The following DCPH1 variants were observed in gnomAD, a reference collection of about 807,000 sequenced individuals.
DCPH1 encodes damage control phosphatase 1.
the DCPH1 span, among the ~76,000 whole-genome samples, chr6:151,461,407 A>C: frequency 6.6e-6 from 1 of 152,242 alleles, no homozygotes; most frequent in Admixed American, 6.5e-5. Context: ...ACAGTGGCTT[A>C]CGCCTGTGAT....
At chr6:151,468,201 G>C in the DCPH1 span, 10 of 573,524 alleles carry the variant, frequency 1.7e-5, no homozygotes, top group Non-Finnish European at 2.7e-5. Context: ...CATTGTTAGA[G>C]AAAGTATAGA....
chr6:151,466,383 A>G, the DCPH1 span, among the ~76,000 whole-genome samples: 1 of 151,900 alleles, frequency 6.6e-6, no homozygotes, highest in African/African-American at 2.4e-5. Context: ...TCTTTGTCCC[A>G]TAGTATAATA....
chr6:151,454,537 C>T, the DCPH1 span: 1 of 1,286,714 alleles, frequency 7.8e-7, no homozygotes, highest in Non-Finnish European at 1.1e-6. Context: ...TTGCATGTGA[C>T]TCTTTTCTAG....
chr6:151,452,864 C>CTT, the DCPH1 span: 1 of 368,652 alleles, frequency 2.7e-6, no homozygotes, highest in Non-Finnish European at 4.8e-6. Context: ...TATTTATTCA[C>CTT]TTTAATAGAC....
At chr6:151,468,751 A>G in the DCPH1 span, 1 of 1,614,120 alleles carries the variant, frequency 6.2e-7, no homozygotes, top group Non-Finnish European at 8.5e-7. Flanking sequence ...GGAAGAGTAT[A>G]TTAAAATGGG....
chr6:151,454,438 A>G, the DCPH1 span: 1 of 651,812 alleles, frequency 1.5e-6, no homozygotes, highest in Non-Finnish European at 2.8e-6. Flanking sequence ...CTATCTTTTA[A>G]TAGTTGTATG....
chr6:151,457,120 C>T, the DCPH1 span, among the ~76,000 whole-genome samples: 1 of 152,168 alleles, frequency 6.6e-6, no homozygotes, highest in Non-Finnish European at 1.5e-5. Context: ...CCACCTATAG[C>T]AGGGCCAGGC....
the DCPH1 span, chr6:151,468,680 G>T: frequency 1.3e-5 from 21 of 1,613,632 alleles, no homozygotes; most frequent in African/African-American, 2.3e-4. Context: ...GATTTTAATT[G>T]GTTAATTGAA....
the DCPH1 span, chr6:151,464,668 A>G: frequency 7.8e-6 from 10 of 1,279,512 alleles, no homozygotes; most frequent in Non-Finnish European, 5.5e-6. Context: ...AACAGAAAAT[A>G]AACTGCTATA....
At chr6:151,455,969 G>C in the DCPH1 span, among the ~76,000 whole-genome samples, 2 of 152,254 alleles carry the variant, frequency 1.3e-5, no homozygotes, top group Non-Finnish European at 2.9e-5. Context: ...TCAAGCATCT[G>C]TTTAACAAAG....
chr6:151,454,761 G>A, the DCPH1 span: 1 of 583,960 alleles, frequency 1.7e-6, no homozygotes, highest in Non-Finnish European at 3.1e-6. Context: ...CAATAGATGG[G>A]CCAAGTATTT....
At chr6:151,458,791 A>G in the DCPH1 span, among the ~76,000 whole-genome samples, 1 of 152,298 alleles carries the variant, frequency 6.6e-6, no homozygotes, top group South Asian at 2.1e-4. Context: ...AATTTAACAG[A>G]TTCTTGGCAA....
chr6:151,456,852 A>G, the DCPH1 span, among the ~76,000 whole-genome samples: 2 of 152,170 alleles, frequency 1.3e-5, no homozygotes, highest in Non-Finnish European at 2.9e-5. Context: ...TTTCGGCCAG[A>G]GTGATCTAAA....
At chr6:151,464,905 G>T in the DCPH1 span, among the ~76,000 whole-genome samples, 9 of 152,198 alleles carry the variant, frequency 5.9e-5, no homozygotes, top group Admixed American at 1.3e-4. Flanking sequence ...ATGCTTGAAA[G>T]AATTCTTAAT....
chr6:151,464,352 G>C, the DCPH1 span: 1 of 708,090 alleles, frequency 1.4e-6, no homozygotes, highest in Admixed American at 3.4e-5. Flanking sequence ...GTTTCTGTTA[G>C]CACTGATTAT....
At chr6:151,458,538 A>T in the DCPH1 span, 1 of 1,612,322 alleles carries the variant, frequency 6.2e-7, no homozygotes, top group Non-Finnish European at 8.5e-7. Flanking sequence ...AGAATGTTAC[A>T]TGTATCGAAG....
chr6:151,460,255 GTTTTTGTAT>G, the DCPH1 span, among the ~76,000 whole-genome samples: 1 of 151,370 alleles, frequency 6.6e-6, no homozygotes, highest in African/African-American at 2.4e-5. Flanking sequence ...AACTTTTTTT[GTTTTTGTAT>G]TTTTTGTAGA....
the DCPH1 span, chr6:151,469,370 AATAT>A: frequency 1.4e-5 from 5 of 351,132 alleles, no homozygotes; most frequent in Non-Finnish European, 2.0e-5. Context: ...TTTCAGGTTA[AATAT>A]ATAATTTCAA....
At chr6:151,462,192 A>G in the DCPH1 span, among the ~76,000 whole-genome samples, 1 of 152,220 alleles carries the variant, frequency 6.6e-6, no homozygotes, top group African/African-American at 2.4e-5. Context: ...AAAATATTAG[A>G]TTTTTAGAAA....
Sources: gnomAD v4.1 joint callset for allele counts (sites outside exome capture counted in the v4.1 genomes callset) on GRCh38, gnomAD v4.1.1 for gene constraint, MANE v1.5 for transcripts, NCBI Gene and HGNC (gene_info 2026-07-23, HGNC 2026-07-21) for gene names.